Variants in IHO1 observed in about 807,000 individuals in gnomAD.
IHO1 encodes interactor of HORMAD1 1.
Under a neutral mutation model 31.0 loss-of-function variants are expected in IHO1, and 13 were observed. That is an observed-to-expected ratio of 0.42 (90% confidence interval 0.27 to 0.67). The LOEUF (loss-of-function observed/expected upper bound fraction) is 0.67. IHO1 is among the 30% of genes least tolerant of loss of function. IHO1 has a pLI of 0.24. For synonymous variants in IHO1, 221 were observed against 248.4 expected (o/e 0.89, Z 1.04); for missense variants, 599 against 687.5 (o/e 0.87, Z 1.44).
chr3:49,237,204 C>T (rs953526270), intron 3 of IHO1, among the ~76,000 whole-genome samples: 78 of 151,826 alleles, frequency 5.1e-4, no homozygotes, highest in Non-Finnish European at 8.7e-4. Flanking sequence ...AAAAATTAGC[C>T]GGGTGTGGTG....
At chr3:49,226,992 G>A (rs931465014) in intron 2 of IHO1, among the ~76,000 whole-genome samples, 35 of 152,270 alleles carry the variant, frequency 2.3e-4, no homozygotes, top group African/African-American at 8.4e-4. Flanking sequence ...CTGGGCAGGG[G>A]AGATTAAAGG....
intron 3 of IHO1, 123 bp from the exon 4 acceptor site, chr3:49,241,103 C>A: frequency 1.8e-6 from 1 of 558,272 alleles, no homozygotes; most frequent in Non-Finnish European, 2.9e-6. Context: ...GGAAATACTA[C>A]TTGCTATGTT....
chr3:49,201,453 T>C (rs915578329), intron 1 of IHO1, among the ~76,000 whole-genome samples: 5 of 151,822 alleles, frequency 3.3e-5, no homozygotes, highest in Non-Finnish European at 7.4e-5. Context: ...TGAAACCCTG[T>C]CTCTACTAAA....
intron 3 of IHO1, among the ~76,000 whole-genome samples, chr3:49,238,723 G>C (rs1461016309): frequency 6.6e-6 from 1 of 152,290 alleles, no homozygotes; most frequent in African/African-American, 2.4e-5. Flanking sequence ...ACTCAAGCTC[G>C]TCTTGTGACC....
rs2046843947 is a variant in IHO1, at chr3:49,258,071, TTTG to T, written c.*792_*794del. On this transcript the variant is annotated 3_prime_UTR_variant, in exon 8 of 8. Transcript: ENST00000452691. ...TTGAGTTTTTGCAACACAAGTATTTTTTGTTATCAGAAATAAGATAAAACATTT... is the reference window on the plus strand; with the variant it reads ...TTGAGTTTTTGCAACACAAGTATTTTTTATCAGAAATAAGATAAAACATTT... The T allele has an allele frequency of 6.6e-6, 1 of 152,208 alleles. No homozygotes were observed. Among genetic ancestry groups the T allele is most frequent in the African/African-American group, 2.4e-5 (1 of 41,458 alleles). The allele number at this position is 152,208 out of a possible 1,614,324, so 9.4% of individuals were successfully genotyped here.
At chr3:49,195,964 G>C (rs921487999), upstream of IHO1, among the ~76,000 whole-genome samples, 1 of 151,280 alleles carries the variant, frequency 6.6e-6, no homozygotes, top group African/African-American at 2.4e-5. Flanking sequence ...GGCCAGGTGT[G>C]GGGGCTCATG....
intron 1 of IHO1, among the ~76,000 whole-genome samples, chr3:49,203,018 G>A (rs904004707): frequency 2.6e-5 from 4 of 151,924 alleles, no homozygotes; most frequent in South Asian, 2.1e-4. Flanking sequence ...GCCCGCCACC[G>A]CGCCCGGCCA....
At chr3:49,235,303 T>A (rs1467662754) in intron 2 of IHO1, among the ~76,000 whole-genome samples, 3 of 151,062 alleles carry the variant, frequency 2.0e-5, no homozygotes, top group African/African-American at 7.3e-5. Flanking sequence ...TTTGGCTGAC[T>A]ACAAGCTCCG....
intron 4 of IHO1, 82 bp downstream of exon 4, chr3:49,241,471 C>A: frequency 2.2e-6 from 3 of 1,341,416 alleles, no homozygotes; most frequent in Admixed American, 2.4e-5. Flanking sequence ...TTAAATAATT[C>A]AATTTTAGCA....
rs554877998 is a variant in IHO1 at position 49,232,306 on chromosome 3, A to G, written c.57-4242A>G. The stretch of plus-strand genomic sequence containing the variant: ...AAACAGGGACTACAGGACACCCCAT[A>G]TACAATTGAATCTAGCATGATTGAC... On this transcript the variant is annotated intron_variant, in intron 2 of 7. Coordinates refer to ENST00000452691, the MANE Select transcript of IHO1 (RefSeq NM_001135197.2). 1.1e-4 allele frequency among the ~76,000 whole-genome samples: 16 copies of G among 152,358 alleles called. 1 individual carries two copies. Among genetic ancestry groups the G allele is most frequent in the Admixed American group, 1.0e-3 (16 of 15,310 alleles).
intron 6 of IHO1, chr3:49,245,479 C>G (rs2046683922): frequency 1.3e-5 from 2 of 152,336 alleles, no homozygotes; most frequent in Non-Finnish European, 2.9e-5. Context: ...AGCCACCACG[C>G]CCAGCCCCAT....
In IHO1 at chr3:49,219,174, G is replaced by A. The variant is rs529953447; in HGVS notation, c.56+7338G>A. 3.9e-5 allele frequency among the ~76,000 whole-genome samples: 6 copies of A among 152,214 alleles called. No individual in the cohort carries two copies. In the East Asian group the frequency reaches 7.7e-4, roughly 20 times the overall value. On this transcript the variant is annotated intron_variant, in intron 2 of 7. Coordinates refer to ENST00000452691, the MANE Select transcript of IHO1 (RefSeq NM_001135197.2). ...CAGGCCCCCAAGTCTGGCCATAAAC[G>A]GGCCTCAAAACTGGCCAAAAACAAA...
chr3:49,215,213 G>A (rs1211285970), intron 2 of IHO1, among the ~76,000 whole-genome samples: 2 of 151,996 alleles, frequency 1.3e-5, no homozygotes, highest in Non-Finnish European at 2.9e-5. Flanking sequence ...ACCATGCCCA[G>A]CTAATTTTTG....
chr3:49,231,126 A>G (rs763083645), intron 2 of IHO1, among the ~76,000 whole-genome samples: 11 of 152,206 alleles, frequency 7.2e-5, no homozygotes, highest in Non-Finnish European at 1.3e-4. Flanking sequence ...CTAACTTCTT[A>G]TTTGGATCAA....
At chr3:49,236,863 C>T (rs563033557) in intron 3 of IHO1, 141 bp downstream of exon 3, 2 of 729,090 alleles carry the variant, frequency 2.7e-6, no homozygotes, top group East Asian at 2.9e-5. Flanking sequence ...AAGTGGATCC[C>T]TTGAGCCCAG....
chr3:49,200,282 T>C (rs1002790819), intron 1 of IHO1, among the ~76,000 whole-genome samples: 2 of 151,590 alleles, frequency 1.3e-5, no homozygotes, highest in African/African-American at 4.8e-5. Context: ...CTGGCCAACA[T>C]AGCGAAAACC....
At chr3:49,201,057 G>A (rs1375366239) in intron 1 of IHO1, among the ~76,000 whole-genome samples, 1 of 151,532 alleles carries the variant, frequency 6.6e-6, no homozygotes, top group Non-Finnish European at 1.5e-5. Context: ...GCAGTGGCAC[G>A]ATCTCTGCTC....
At chr3:49,237,544 A>G (rs1559448403) in intron 3 of IHO1, among the ~76,000 whole-genome samples, 1 of 151,894 alleles carries the variant, frequency 6.6e-6, no homozygotes, top group Non-Finnish European at 1.5e-5. Flanking sequence ...GGTTTCTTCT[A>G]TTACAAAGCA....
At chr3:49,223,114 C>T (rs1575573920) in intron 2 of IHO1, among the ~76,000 whole-genome samples, 1 of 152,074 alleles carries the variant, frequency 6.6e-6, no homozygotes, top group Non-Finnish European at 1.5e-5. Flanking sequence ...CCAAGTTGGC[C>T]GTTTCCTGAT....
Sources: allele counts gnomAD v4.1 joint callset (sites outside exome capture counted in the v4.1 genomes callset), GRCh38; gene constraint gnomAD v4.1.1; transcripts MANE v1.5; gene names NCBI Gene and HGNC (gene_info 2026-07-23, HGNC 2026-07-21).